Variants in IKBKB observed in about 807,000 individuals in gnomAD.
IKBKB encodes inhibitor of nuclear factor kappa-B kinase subunit beta.
Under a neutral mutation model 113.6 loss-of-function variants are expected in IKBKB, and 42 were observed. The observed-to-expected ratio is 0.37, with a 90% CI of 0.29 to 0.48. The LOEUF (loss-of-function observed/expected upper bound fraction) is 0.48. Among genes scored for constraint, IKBKB ranks in the 20% least tolerant of loss-of-function variants. IKBKB has a pLI of 0.99. For missense variants in IKBKB, 673 were observed against 939.7 expected (o/e 0.72, Z 3.71); for synonymous variants, 296 against 361.3 (o/e 0.82, Z 2.05).
intron 19 of IKBKB, among the ~76,000 whole-genome samples, chr8:42,323,050 G>A (rs370877281): frequency 7.9e-5 from 12 of 152,324 alleles, no homozygotes; most frequent in African/African-American, 2.6e-4. Context: ...GGTTCCAGGC[G>A]TTCTTTGGTG....
chr8:42,285,959 G>C (rs1158737115), intron 2 of IKBKB, among the ~76,000 whole-genome samples: 1 of 152,194 alleles, frequency 6.6e-6, no homozygotes, highest in Admixed American at 6.5e-5. Flanking sequence ...GTTTTGTTGT[G>C]GGATGGCAGA....
At position 42,290,265 on chromosome 8, in the gene IKBKB, C is replaced by T; in HGVS notation, c.310C>T (p.Leu104Phe). 1 of 1,610,812 alleles carries T rather than the reference C, an allele frequency of 6.2e-7. No individual in the cohort carries two copies. Among genetic ancestry groups the T allele is most frequent in the Non-Finnish European group, 8.5e-7 (1 of 1,177,566 alleles). The change falls in exon 4 of 22, where the codon CTC (leucine) becomes TTC (phenylalanine). Residue 104 changes from leucine (L) to phenylalanine (F), a missense_variant. By Grantham distance (22) the Leu-to-Phe change is conservative (BLOSUM62 0). Coordinates refer to ENST00000520810, the MANE Select transcript of IKBKB (RefSeq NM_001556.3). ...LAMEYCQGGD[L>F]RKYLNQFENC... The stretch of plus-strand genomic sequence containing the variant: ...CATGGAGTACTGCCAAGGAGGAGAT[C>T]TCCGGAAGGTGAGGCTCCCACGGCT...
At position 42,318,432 on chromosome 8, in the gene IKBKB, C is replaced by T. The variant is rs941446921; in HGVS notation, c.1241-120C>T. The T allele has an allele frequency of 3.5e-6, 4 of 1,129,932 alleles. No individual in the cohort carries two copies. The African/African-American group carries it at 6.2e-5, about 18-fold the overall frequency. The allele number at this position is 1,129,932 out of a possible 1,614,324, so 70.0% of individuals were successfully genotyped here. A position where few individuals can be genotyped will look rare whatever the true frequency, so the allele number is the denominator to read the frequency against. The stretch of plus-strand genomic sequence containing the variant: ...CCAGGCATAACACCCTCCAAAGTTA[C>T]ATGATCCTATAGTAGGTACAAAACG... On this transcript the variant is annotated intron_variant, in intron 12 of 21. Coordinates refer to ENST00000520810, the MANE Select transcript of IKBKB (RefSeq NM_001556.3).
At position 42,325,630 on chromosome 8, in the gene IKBKB, G is replaced by GATCGCAC. The variant is rs1326765478; in HGVS notation, c.1987-332_1987-326dup. 15 of 1,029,930 alleles carry GATCGCAC rather than the reference G, an allele frequency of 1.5e-5. No individual in the cohort carries two copies. In the African/African-American group the frequency reaches 2.4e-4, roughly 17 times the overall value. The allele number at this position is 1,029,930 out of a possible 1,614,324, so 63.8% of individuals were successfully genotyped here. A position where few individuals can be genotyped will look rare whatever the true frequency, so the allele number is the denominator to read the frequency against. On this transcript the variant is annotated intron_variant, in intron 19 of 21. Coordinates refer to ENST00000520810, the MANE Select transcript of IKBKB (RefSeq NM_001556.3). Reference sequence around the variant, plus strand: ...GGAGGTGGAGGTTGCAGTGAGCCAAGATCGCACATCGCACTTCAGCCCAGG... The same window carrying GATCGCAC: ...GGAGGTGGAGGTTGCAGTGAGCCAAGATCGCACATCGCACATCGCACTTCAGCCCAGG...
intron 6 of IKBKB, 42 bp downstream of exon 6, chr8:42,305,317 GC>G: frequency 7.9e-7 from 1 of 1,268,296 alleles, no homozygotes; most frequent in Non-Finnish European, 1.2e-6. Context: ...AGGTGGGCGT[GC>G]CGGGAAGTGG....
At chr8:42,323,113 G>A (rs1820076643) in intron 19 of IKBKB, among the ~76,000 whole-genome samples, 1 of 152,160 alleles carries the variant, frequency 6.6e-6, no homozygotes, top group Admixed American at 6.5e-5. Flanking sequence ...TCCCTTATCT[G>A]GGTGACTCTT....
intron 5 of IKBKB, among the ~76,000 whole-genome samples, chr8:42,300,036 A>G (rs1358776574): frequency 6.6e-6 from 1 of 152,212 alleles, no homozygotes; most frequent in Non-Finnish European, 1.5e-5. Flanking sequence ...TTGTGTGCAG[A>G]TAGTGGACAC....
chr8:42,325,764 T>G, intron 19 of IKBKB: 1 of 1,386,590 alleles, frequency 7.2e-7, no homozygotes, highest in Non-Finnish European at 9.3e-7. Flanking sequence ...AATCCTTTCC[T>G]CAAAAGTCTC....
intron 2 of IKBKB, among the ~76,000 whole-genome samples, chr8:42,287,465 G>A (rs903594098): frequency 2.0e-5 from 3 of 152,274 alleles, no homozygotes; most frequent in African/African-American, 7.2e-5. Context: ...TCGGCAGACC[G>A]TGGTGCCCAT....
At position 42,331,588 on chromosome 8, in the gene IKBKB, TAA is replaced by T; in HGVS notation, c.*612_*613del. 1 of 596,948 alleles carries T rather than the reference TAA, an allele frequency of 1.7e-6. No individual in the cohort carries two copies. The highest frequency in any genetic ancestry group is 3.0e-6 in the Non-Finnish European group (1 of 335,170). 37.0% of individuals were successfully genotyped at this position (596,948 alleles called of 1,614,324 possible). A position where few individuals can be genotyped will look rare whatever the true frequency, so the allele number is the denominator to read the frequency against. ...CTTCCTCTTTTTATTTCACTGCTGC[TAA>T]AATTGTGTTTTTACCTACTACTTTG... On this transcript the variant is annotated 3_prime_UTR_variant, in exon 22 of 22. Coordinates refer to ENST00000520810, the MANE Select transcript of IKBKB (RefSeq NM_001556.3).
rs1408603793 is a variant in IKBKB, at chr8:42,308,992, G to A, written c.659G>A (p.Arg220Gln). 1 of 1,614,138 alleles carries A rather than the reference G, an allele frequency of 6.2e-7. No individual in the cohort carries two copies. Among genetic ancestry groups the A allele is most frequent in the Non-Finnish European group, 8.5e-7 (1 of 1,179,998 alleles). Residue 220 changes from arginine to glutamine, a missense_variant, in exon 8 of 22, where the codon CGG (arginine) becomes CAG (glutamine). This residue lies in a region of IKBKB where 167 missense variants were observed against 301.0 expected (regional missense o/e 0.55). Transcript: ENST00000520810. ...TLAFECITGF[R>Q]PFLPNWQPVQ... The stretch of plus-strand genomic sequence containing the variant: ...GCCTTTGAGTGCATCACGGGCTTCC[G>A]GCCCTTCCTCCCCAACTGGCAGCCC...
chr8:42,293,346 G>A, intron 4 of IKBKB, 97 bp from the exon 5 acceptor site: 1 of 1,495,100 alleles, frequency 6.7e-7, no homozygotes, highest in Non-Finnish European at 9.2e-7. Flanking sequence ...AGGGCCCAGG[G>A]TCAGCACTCT....
At chr8:42,312,623 G>T (rs999595907) in intron 8 of IKBKB, among the ~76,000 whole-genome samples, 9 of 151,984 alleles carry the variant, frequency 5.9e-5, no homozygotes, top group Non-Finnish European at 1.3e-4. Context: ...TCTTATTTTG[G>T]GTCCTTTTCT....
chr8:42,297,764 G>A (rs563086280), intron 5 of IKBKB, among the ~76,000 whole-genome samples: 5 of 152,260 alleles, frequency 3.3e-5, no homozygotes, highest in East Asian at 1.9e-4. Flanking sequence ...GCGTGGTGGC[G>A]TGTGCCTGTA....
At chr8:42,274,554 C>T (rs534806312) in intron 2 of IKBKB, among the ~76,000 whole-genome samples, 4 of 142,114 alleles carry the variant, frequency 2.8e-5, no homozygotes, top group South Asian at 2.3e-4. Context: ...TGTTTTGAGA[C>T]GGAGTTTTGC....
At chr8:42,300,092 G>A (rs1814855630) in intron 5 of IKBKB, among the ~76,000 whole-genome samples, 1 of 152,148 alleles carries the variant, frequency 6.6e-6, no homozygotes, top group Non-Finnish European at 1.5e-5. Context: ...TCGCACTTTC[G>A]CCTTGGCACC....
intron 5 of IKBKB, among the ~76,000 whole-genome samples, chr8:42,303,463 T>C (rs1247894487): frequency 6.6e-6 from 1 of 152,174 alleles, no homozygotes; most frequent in Non-Finnish European, 1.5e-5. Context: ...TCTTCTTCTG[T>C]GCTTTCTCAC....
At chr8:42,328,911 A>G (rs1352673455) in intron 20 of IKBKB, among the ~76,000 whole-genome samples, 1 of 152,142 alleles carries the variant, frequency 6.6e-6, no homozygotes. Context: ...GCTTTTTTGC[A>G]TTTTGGACAG....
chr8:42,311,619 A>G (rs573474911), intron 8 of IKBKB, among the ~76,000 whole-genome samples: 19 of 152,232 alleles, frequency 1.2e-4, no homozygotes, highest in Non-Finnish European at 2.5e-4. Flanking sequence ...TATCCTTTGA[A>G]ATCAATTCCA....
Sources: gnomAD v4.1 joint callset for allele counts (sites outside exome capture counted in the v4.1 genomes callset) on GRCh38, gnomAD v4.1.1 for gene constraint, gnomAD v4.1.1 regional missense constraint, MANE v1.5 for transcripts, NCBI Gene and HGNC (gene_info 2026-07-23, HGNC 2026-07-21) for gene names.